The following ADAMTS9 variants were observed in gnomAD, a reference collection of about 807,000 sequenced individuals.
ADAMTS9 encodes ADAM metallopeptidase with thrombospondin type 1 motif 9.
Under a neutral mutation model 257.1 loss-of-function variants are expected in ADAMTS9, and 107 were observed. The ratio of observed to expected loss-of-function variants is 0.42; its 90% CI spans 0.36 to 0.49. The LOEUF is 0.49. Ranked by LOEUF, ADAMTS9 falls within the 20% of genes least tolerant of loss-of-function variation. The pLI, the probability that ADAMTS9 is intolerant of heterozygous loss-of-function variation, is 0.03. For missense variants in ADAMTS9, 2,353 were observed against 2,469.1 expected (o/e 0.95, Z 1.00); for synonymous variants, 982 against 880.9 (o/e 1.11, Z -2.03).
At chr3:64,564,843 A>C (rs2083502827) in intron 29 of ADAMTS9, among the ~76,000 whole-genome samples, 1 of 152,200 alleles carries the variant, frequency 6.6e-6, no homozygotes, top group Admixed American at 6.5e-5. Flanking sequence ...CCTTTTAGGC[A>C]GATACTTCAT....
chr3:64,608,258 C>CAAAAAAAAAAAAA (rs57247914), intron 22 of ADAMTS9, among the ~76,000 whole-genome samples: 14 of 53,294 alleles, frequency 2.6e-4, no homozygotes, highest in African/African-American at 5.4e-4. Context: ...AAACTAAAAC[C>CAAAAAAAAAAAAA]AAAAAAAAAA....
At chr3:64,672,443 G>A (rs1364522765) in intron 3 of ADAMTS9, among the ~76,000 whole-genome samples, 1 of 152,170 alleles carries the variant, frequency 6.6e-6, no homozygotes, top group Non-Finnish European at 1.5e-5. Flanking sequence ...AGCATTTTGG[G>A]AGGTCACAGC....
intron 31 of ADAMTS9, among the ~76,000 whole-genome samples, chr3:64,547,815 A>G (rs2106925448): frequency 6.6e-6 from 1 of 152,122 alleles, no homozygotes; most frequent in South Asian, 2.1e-4. Flanking sequence ...CAGAAGAAAT[A>G]CACATCGTTA....
intron 16 of ADAMTS9, among the ~76,000 whole-genome samples, chr3:64,626,893 C>G (rs77642808): frequency 0.034 from 5,178 of 152,172 alleles, 285 homozygotes; most frequent in African/African-American, 0.12. Context: ...GCTCCTGCAG[C>G]GCGAGACCCA....
Position 64,541,865 on chromosome 3 carries a change from G to A in ADAMTS9, c.5170C>T (p.Arg1724Ter), listed in dbSNP as rs762379587. Reference protein sequence around the residue: ...LCHTDLKPEERKTCRNVYNCE... With the variant: ...LCHTDLKPEE ...TTATAGACATTACGGCAGGTTTTTCGTTCTTCTGGCTTCAGATCAGTGTGG... is the reference window on the plus strand; with the variant it reads ...TTATAGACATTACGGCAGGTTTTTCATTCTTCTGGCTTCAGATCAGTGTGG... Residue 1724 changes from arginine to a stop codon, truncating the protein, a stop_gained, in exon 33 of 40, where the codon CGA becomes TGA. Transcript: ENST00000498707. LOFTEE classifies it high-confidence loss of function. 1.3e-5 allele frequency: 21 copies of A among 1,614,040 alleles called. No homozygotes were observed. The highest frequency in any genetic ancestry group is 1.7e-5 in the Non-Finnish European group (20 of 1,180,020).
In ADAMTS9 at chr3:64,613,487, C is replaced by T; in HGVS notation, c.3212G>A (p.Gly1071Glu). Residue 1071 changes from glycine (G) to glutamate (E), a missense_variant, in exon 22 of 40, where the codon GGG becomes GAG. Transcript: ENST00000498707. ...WSECLVTCGK[G>E]HKHRQVWCQF... ...ACACCAGACCTGGCGGTGCTTATGC[C>T]CTTTTCCACAGGTGACCAAGCACTG... 6.2e-7 allele frequency: 1 copy of T among 1,613,618 alleles called. No individual in the cohort carries two copies. Among genetic ancestry groups the T allele is most frequent in the Non-Finnish European group, 8.5e-7 (1 of 1,179,752 alleles).
chr3:64,597,201 G>A (rs148504501), intron 26 of ADAMTS9, among the ~76,000 whole-genome samples: 10 of 152,300 alleles, frequency 6.6e-5, no homozygotes, highest in African/African-American at 2.4e-4. Flanking sequence ...GGGCAGAAAT[G>A]TGTCTTCTCT....
At chr3:64,549,994 T>C (rs1186096081) in intron 31 of ADAMTS9, among the ~76,000 whole-genome samples, 2 of 150,542 alleles carry the variant, frequency 1.3e-5, no homozygotes, top group Non-Finnish European at 2.9e-5. Context: ...AGCAATCATA[T>C]TACCTAACAA....
Position 64,615,978 on chromosome 3 carries a change from G to C in ADAMTS9, c.3006C>G (p.Arg1002=), listed in dbSNP as rs776123019. Residue 1002 remains arginine, a synonymous_variant, in exon 20 of 40, where the codon CGC becomes CGG. Transcript: ENST00000498707. ...AACTTACTTCAGTCCAGGCAGAATA[G>C]CGCCAGCCACCCGTGTTACATTCCC... is the stretch of plus-strand genomic sequence containing the variant. The part of the protein sequence containing the change: ...CSGECNTGGW[R]YSAWTECSKS... 6.2e-7 allele frequency: 1 copy of C among 1,613,302 alleles called. No homozygotes were observed. Among genetic ancestry groups the C allele is most frequent in the South Asian group, 1.1e-5 (1 of 91,044 alleles).
intron 12 of ADAMTS9, among the ~76,000 whole-genome samples, chr3:64,639,237 A>G (rs1209087411): frequency 1.4e-5 from 2 of 147,598 alleles, no homozygotes; most frequent in Non-Finnish European, 3.0e-5. Context: ...AAGTGCAAAT[A>G]ACTTGGAGGA....
At chr3:64,537,583 A>G (rs950243389) in intron 37 of ADAMTS9, among the ~76,000 whole-genome samples, 2 of 152,194 alleles carry the variant, frequency 1.3e-5, no homozygotes, top group African/African-American at 2.4e-5. Context: ...TGAGGCCGAA[A>G]AAACGCCTCG....
chr3:64,568,439 C>T lies in ADAMTS9; in HGVS notation c.4453G>A (p.Ala1485Thr), dbSNP rs2083595511. ...CACTTTCTGTGCCCATGTGGCTTAGCCAGGTGCTTACAGTAATCACTTTCT... is the reference window on the plus strand; with the variant it reads ...CACTTTCTGTGCCCATGTGGCTTAGTCAGGTGCTTACAGTAATCACTTTCT... ...HLESDYCKHLAKPHGHRKCRG... is the reference protein window; with the variant it reads ...HLESDYCKHLTKPHGHRKCRG... Residue 1485 changes from alanine (A) to threonine (T), a missense_variant, in exon 29 of 40, where the codon GCT becomes ACT. This residue lies in a region of ADAMTS9 where 1,402 missense variants were observed against 1,441.4 expected (regional missense o/e 0.97). Coordinates refer to ENST00000498707, the MANE Select transcript of ADAMTS9 (RefSeq NM_182920.2). The T allele has an allele frequency of 6.2e-7, 1 of 1,613,952 alleles. No individual in the cohort carries two copies. Among genetic ancestry groups the T allele is most frequent in the South Asian group, 1.1e-5 (1 of 91,072 alleles).
intron 28 of ADAMTS9, among the ~76,000 whole-genome samples, chr3:64,576,352 C>A (rs910277626): frequency 2.0e-5 from 3 of 152,208 alleles, no homozygotes; most frequent in African/African-American, 7.2e-5. Context: ...CACTTCCCTG[C>A]CACGCCCTGC....
At chr3:64,644,825 A>G (rs1207366873) in intron 11 of ADAMTS9, among the ~76,000 whole-genome samples, 3 of 152,208 alleles carry the variant, frequency 2.0e-5, no homozygotes, top group Admixed American at 6.5e-5. Flanking sequence ...CTCATTAAGC[A>G]TTACTATAAA....
At chr3:64,567,074 G>A (rs79501236) in intron 29 of ADAMTS9, among the ~76,000 whole-genome samples, 4,069 of 152,280 alleles carry the variant, frequency 0.027, 245 homozygotes, top group East Asian at 0.21. Context: ...TGAGAGGCAT[G>A]AGGCCACTGC....
chr3:64,611,989 T>C (rs1178500960), intron 22 of ADAMTS9, among the ~76,000 whole-genome samples: 1 of 152,252 alleles, frequency 6.6e-6, no homozygotes, highest in African/African-American at 2.4e-5. Flanking sequence ...AACAAACAAT[T>C]GGCAGAGTAC....
chr3:64,624,774 T>C lies in ADAMTS9; in HGVS notation c.2390-2188A>G, dbSNP rs114186508. 5.3e-5 allele frequency among the ~76,000 whole-genome samples: 8 copies of C among 152,224 alleles called. No homozygotes were observed. The East Asian group carries it at 7.7e-4, about 15-fold the overall frequency. ...TAAAATGAAGATGTAATTTTGTTGATGGTCAAATACAAATAAATTTATTTT... is the reference window on the plus strand; with the variant it reads ...TAAAATGAAGATGTAATTTTGTTGACGGTCAAATACAAATAAATTTATTTT... On this transcript the variant is annotated intron_variant, in intron 16 of 39. Transcript: ENST00000498707.
At chr3:64,659,375 C>T (rs1275301282) in intron 3 of ADAMTS9, among the ~76,000 whole-genome samples, 2 of 149,890 alleles carry the variant, frequency 1.3e-5, no homozygotes, top group Non-Finnish European at 2.9e-5. Flanking sequence ...GGCTGACGCA[C>T]GAGAATTGCT....
intron 3 of ADAMTS9, among the ~76,000 whole-genome samples, chr3:64,664,534 C>G (rs1365171029): frequency 1.3e-5 from 2 of 152,114 alleles, no homozygotes; most frequent in East Asian, 3.8e-4. Flanking sequence ...CAATATGTGG[C>G]CTTCTGTGAC....
Sources: gnomAD v4.1 joint callset for allele counts (sites outside exome capture counted in the v4.1 genomes callset) on GRCh38, gnomAD v4.1.1 for gene constraint, gnomAD v4.1.1 regional missense constraint, MANE v1.5 for transcripts, NCBI Gene and HGNC (gene_info 2026-07-23, HGNC 2026-07-21) for gene names.